PAK5: variants seen among roughly 807,000 people sequenced by gnomAD.
The protein encoded by PAK5 is serine/threonine-protein kinase PAK 5.
In PAK5, 16 loss-of-function variants were observed where a neutral mutation model predicts 65.9. That is an observed-to-expected ratio of 0.24 (90% CI 0.16 to 0.37). The LOEUF (loss-of-function observed/expected upper bound fraction) is 0.37, where lower values mean the gene tolerates loss of function less well. PAK5 is among the 10% of genes least tolerant of loss of function. The probability of loss-of-function intolerance (pLI) is 1.00; values close to 1 mark genes in which losing one functional copy is unlikely to be tolerated. For missense variants in PAK5, 785 were observed against 903.9 expected (o/e 0.87, Z 1.69); for synonymous variants, 371 against 354.9 (o/e 1.05, Z -0.51).
At chr20:9,718,727 C>T (rs1222964159) in intron 1 of PAK5, among the ~76,000 whole-genome samples, 1 of 152,082 alleles carries the variant, frequency 6.6e-6, no homozygotes, top group South Asian at 2.1e-4. Flanking sequence ...TAGAACCTTT[C>T]CAAAAAAAAT....
At position 9,731,849 on chromosome 20, in the gene PAK5, C is replaced by A. The variant is rs569687977; in HGVS notation, c.-161-20414G>T. Among the ~76,000 whole-genome samples, 183 of 151,980 alleles carry A rather than the reference C, an allele frequency of 1.2e-3. 2 individuals are homozygous for A. Among genetic ancestry groups the A allele is most frequent in the African/African-American group, 4.1e-3 (170 of 41,468 alleles). ...AATCCATTAAGCCTTAGTTAAAATCCCAAGCAAATAATAAAACACATTTAT... is the reference window on the plus strand; with the variant it reads ...AATCCATTAAGCCTTAGTTAAAATCACAAGCAAATAATAAAACACATTTAT... On this transcript the variant is annotated intron_variant, in intron 1 of 9. Coordinates refer to ENST00000353224, the MANE Select transcript of PAK5 (RefSeq NM_177990.4).
chr20:9,671,339 C>T (rs1203666380), intron 2 of PAK5, among the ~76,000 whole-genome samples: 1 of 152,140 alleles, frequency 6.6e-6, no homozygotes. Flanking sequence ...ATGAGGATGG[C>T]ATTGAATCTA....
intron 4 of PAK5, among the ~76,000 whole-genome samples, chr20:9,571,880 G>GA (rs1555897704): frequency 2.1e-5 from 3 of 144,518 alleles, no homozygotes; most frequent in Non-Finnish European, 4.5e-5. Flanking sequence ...ATGATGGGGG[G>GA]GGGGGATGTG....
chr20:9,573,875 C>G (rs2045837768), intron 4 of PAK5, among the ~76,000 whole-genome samples: 1 of 152,086 alleles, frequency 6.6e-6, no homozygotes, highest in Non-Finnish European at 1.5e-5. Flanking sequence ...ATGTGATGCT[C>G]CAATACACCT....
intron 9 of PAK5, among the ~76,000 whole-genome samples, chr20:9,542,025 T>C (rs998589188): frequency 7.9e-5 from 12 of 152,212 alleles, no homozygotes; most frequent in African/African-American, 2.9e-4. Context: ...AATTACTCAG[T>C]CTTGGGTATT....
chr20:9,580,139 C>G lies in PAK5; in HGVS notation c.990+6G>C. ...CACGTGAGGGAAAGGAGGTAGCAAA[C>G]GTTACCTTTGGAATGCACATTGTGG... On this transcript the variant is annotated splice_donor_region_variant and intron_variant, in intron 4 of 9. Coordinates refer to ENST00000353224, the MANE Select transcript of PAK5 (RefSeq NM_177990.4). 6.2e-7 allele frequency: 1 copy of G among 1,601,950 alleles called. No individual in the cohort carries two copies. The highest frequency in any genetic ancestry group is 1.1e-5 in the South Asian group (1 of 89,660).
intron 3 of PAK5, among the ~76,000 whole-genome samples, chr20:9,583,748 G>A (rs900227915): frequency 2.0e-5 from 3 of 152,174 alleles, no homozygotes; most frequent in African/African-American, 7.2e-5. Flanking sequence ...GCCACCAGCT[G>A]CAAAAATATC....
intron 3 of PAK5, among the ~76,000 whole-genome samples, chr20:9,581,253 T>A (rs1462857060): frequency 6.6e-6 from 1 of 152,186 alleles, no homozygotes; most frequent in Non-Finnish European, 1.5e-5. Context: ...CCCTACTTCT[T>A]CTACCTAAAT....
intron 8 of PAK5, 128 bp downstream of exon 8, chr20:9,544,241 T>A: frequency 9.9e-7 from 1 of 1,007,082 alleles, no homozygotes; most frequent in Non-Finnish European, 1.5e-6. Flanking sequence ...CCTCATCTAG[T>A]GAGTGGGGAT....
chr20:9,562,988 C>G lies in PAK5; in HGVS notation c.1519G>C (p.Val507Leu). 6.2e-7 allele frequency: 1 copy of G among 1,613,034 alleles called. No individual in the cohort carries two copies. Among genetic ancestry groups the G allele is most frequent in the South Asian group, 1.1e-5 (1 of 91,042 alleles). The change falls in exon 6 of 10, where the codon GTT (valine) becomes CTT (leucine). Residue 507 changes from valine (V) to leucine (L), a missense_variant. Physicochemically the swap from Val to Leu is conservative, Grantham distance 32. This residue lies in a region of PAK5 where 182 missense variants were observed against 273.0 expected (regional missense o/e 0.67). Coordinates refer to ENST00000353224, the MANE Select transcript of PAK5 (RefSeq NM_177990.4). ...ACAAGGTAGCTGCTGTACATGTCAACCACATTGTCATGGTGGTAATCCCGC... is the reference window on the plus strand; with the variant it reads ...ACAAGGTAGCTGCTGTACATGTCAAGCACATTGTCATGGTGGTAATCCCGC... ...IMRDYHHDNVVDMYSSYLVGD... is the reference protein window; with the variant it reads ...IMRDYHHDNVLDMYSSYLVGD...
At chr20:9,811,707 C>T (rs2049300363) in intron 1 of PAK5, among the ~76,000 whole-genome samples, 1 of 152,108 alleles carries the variant, frequency 6.6e-6, no homozygotes, top group Admixed American at 6.6e-5. Context: ...GTATTCTTTT[C>T]AAATATTATC....
In PAK5 at chr20:9,763,778, C is replaced by T. The variant is rs573564345; in HGVS notation, c.-161-52343G>A. On this transcript the variant is annotated intron_variant, in intron 1 of 9. Coordinates refer to ENST00000353224, the MANE Select transcript of PAK5 (RefSeq NM_177990.4). ...AGAATTAATGCCCAGACAACCTTCA[C>T]CTAGATTCTTCAAAGATTAACATTT... Among the ~76,000 whole-genome samples the T allele has an allele frequency of 1.2e-4, 18 of 152,230 alleles. No homozygotes were observed. The South Asian group carries it at 2.5e-3, about 21-fold the overall frequency.
intron 1 of PAK5, among the ~76,000 whole-genome samples, chr20:9,804,668 C>T (rs2049210024): frequency 6.6e-6 from 1 of 152,164 alleles, no homozygotes. Flanking sequence ...AGTGGTTCCT[C>T]AGTTATAACA....
chr20:9,766,541 ATATATATAT>A, intron 1 of PAK5, among the ~76,000 whole-genome samples: 2 of 139,400 alleles, frequency 1.4e-5, no homozygotes, highest in African/African-American at 5.4e-5. Flanking sequence ...ATATATATAT[ATATATATAT>A]TTTCAAGCAG....
At chr20:9,748,781 G>A (rs2048538836) in intron 1 of PAK5, among the ~76,000 whole-genome samples, 1 of 152,004 alleles carries the variant, frequency 6.6e-6, no homozygotes, top group Admixed American at 6.6e-5. Context: ...ATTATGCACT[G>A]TCTAATTCAT....
At chr20:9,559,515 C>T (rs895221354) in intron 6 of PAK5, among the ~76,000 whole-genome samples, 3 of 152,048 alleles carry the variant, frequency 2.0e-5, no homozygotes, top group African/African-American at 7.2e-5. Flanking sequence ...GAGGATTTGG[C>T]CTTTGGGAGG....
intron 1 of PAK5, among the ~76,000 whole-genome samples, chr20:9,817,783 TACCCATTACATAA>T (rs1004210499): frequency 6.6e-6 from 1 of 152,296 alleles, no homozygotes; most frequent in Admixed American, 6.5e-5. Context: ...TCCAATCTCT[TACCCATTACATAA>T]ACTGCCTTTG....
chr20:9,656,125 C>T (rs1407485443), intron 2 of PAK5, among the ~76,000 whole-genome samples: 1 of 152,116 alleles, frequency 6.6e-6, no homozygotes, highest in African/African-American at 2.4e-5. Flanking sequence ...AGTTGGCTTT[C>T]AGAAAGCCTA....
At chr20:9,742,800 C>T (rs6133742) in intron 1 of PAK5, among the ~76,000 whole-genome samples, 30,202 of 152,166 alleles carry the variant, frequency 0.2, 3,200 homozygotes, top group East Asian at 0.31. Context: ...ACATAATTCA[C>T]GTGTAGGAAA....
Sources: allele counts gnomAD v4.1 joint callset (sites outside exome capture counted in the v4.1 genomes callset), GRCh38; gene constraint gnomAD v4.1.1; regional missense constraint gnomAD v4.1.1; transcripts MANE v1.5; gene names NCBI Gene and HGNC (gene_info 2026-07-23, HGNC 2026-07-21).